Variants in STRAP observed in about 807,000 individuals in gnomAD.
STRAP encodes the protein serine-threonine kinase receptor-associated protein.
A neutral mutation model predicts 47.0 loss-of-function variants in STRAP; 16 were observed. The ratio of observed to expected loss-of-function variants is 0.34; its 90% confidence interval spans 0.23 to 0.52. STRAP has a LOEUF of 0.52. Among genes scored for constraint, STRAP ranks in the 20% least tolerant of loss-of-function variants. The pLI is 0.96. For synonymous variants in STRAP, 130 were observed against 142.7 expected, an observed-to-expected ratio of 0.91 and a Z score of 0.63; for missense variants, 293 against 420.0, an observed-to-expected ratio of 0.70 and a Z score of 2.64.
intron 9 of STRAP, among the ~76,000 whole-genome samples, chr12:15,901,309 TA>T (rs1395587291): frequency 6.6e-6 from 1 of 151,978 alleles, no homozygotes; most frequent in East Asian, 1.9e-4. Context: ...TAAGGGGGAT[TA>T]AAAAAAGCTT....
intron 4 of STRAP, among the ~76,000 whole-genome samples, chr12:15,892,985 A>G (rs980897157): frequency 1.3e-5 from 2 of 152,222 alleles, no homozygotes; most frequent in African/African-American, 2.4e-5. Context: ...GTTAAGCCCT[A>G]TTCGCATTTG....
chr12:15,890,982 C>G lies in STRAP; in HGVS notation c.403+313C>G, dbSNP rs1398989220. 6.6e-6 allele frequency among the ~76,000 whole-genome samples: 1 copy of G among 151,964 alleles called. No individual in the cohort carries two copies. Among genetic ancestry groups the G allele is most frequent in the Non-Finnish European group, 1.5e-5 (1 of 68,002 alleles). On this transcript the variant is annotated intron_variant, in intron 4 of 9. Transcript: ENST00000419869. This position sits in a 1 kb window ranked among gnomAD's most constrained non-coding sequence, Gnocchi z 4.5. ...GGCTGAGGCAGGAGAATCGCTTGAACCCGGGAGGTGGAGGTTGCAGTGAGC... is the reference window on the plus strand; with the variant it reads ...GGCTGAGGCAGGAGAATCGCTTGAAGCCGGGAGGTGGAGGTTGCAGTGAGC...
Position 15,882,676 on chromosome 12 carries a change from T to C in STRAP, c.-32T>C. On this transcript the variant is annotated 5_prime_UTR_variant, in exon 1 of 10. Transcript: ENST00000419869. ...AGAAAAGACAACGACGACCCTCAGC[T>C]CGCCAGTCCGGTCGCTGGCTTCGCC... The C allele has an allele frequency of 6.3e-7, 1 of 1,577,774 alleles. No individual in the cohort carries two copies. Among genetic ancestry groups the C allele is most frequent in the South Asian group, 1.1e-5 (1 of 88,786 alleles).
At chr12:15,898,905 A>G (rs974343301) in intron 7 of STRAP, among the ~76,000 whole-genome samples, 5 of 152,216 alleles carry the variant, frequency 3.3e-5, no homozygotes, top group Non-Finnish European at 7.4e-5. Context: ...ACATTGATGC[A>G]TCTGGGTTGC....
chr12:15,885,553 T>A (rs1472598628), intron 2 of STRAP, among the ~76,000 whole-genome samples: 1 of 150,790 alleles, frequency 6.6e-6, no homozygotes, highest in African/African-American at 2.4e-5. Flanking sequence ...GCCTCCTTCA[T>A]TTTAAGTACA....
At chr12:15,883,118 C>T (rs943755880) in intron 1 of STRAP, 34 of 1,535,540 alleles carry the variant, frequency 2.2e-5, no homozygotes, top group Non-Finnish European at 2.9e-5. Flanking sequence ...CTCGGGACAA[C>T]ACGGTAAATA....
At chr12:15,897,130 A>G (rs1321168875) in intron 6 of STRAP, among the ~76,000 whole-genome samples, 1 of 152,196 alleles carries the variant, frequency 6.6e-6, no homozygotes, top group Non-Finnish European at 1.5e-5. Context: ...CTATGTAGTG[A>G]TCCTGCATAA....
chr12:15,889,479 A>C (rs1338660457), intron 2 of STRAP, among the ~76,000 whole-genome samples: 1 of 152,044 alleles, frequency 6.6e-6, no homozygotes, highest in African/African-American at 2.4e-5. Context: ...ATTTTTAAGG[A>C]TTTCTGGTTT....
At position 15,890,360 on chromosome 12, in the gene STRAP, G is replaced by A. The variant is rs77621222; in HGVS notation, c.331-237G>A. Among the ~76,000 whole-genome samples, 3 of 152,298 alleles carry A rather than the reference G, an allele frequency of 2.0e-5. No individual in the cohort carries two copies. In the East Asian group the frequency reaches 5.8e-4, roughly 29 times the overall value. On this transcript the variant is annotated intron_variant, in intron 3 of 9. Coordinates refer to ENST00000419869, the MANE Select transcript of STRAP (RefSeq NM_007178.4). The surrounding 1 kb of genome is among the most constrained non-coding windows in gnomAD (Gnocchi z 4.5). The stretch of plus-strand genomic sequence containing the variant: ...GAGAGGAGTAGGATCAGGGGAGAAT[G>A]GGAGAGTTCATGTATATGTAGTGTA...
At chr12:15,902,580 A>C (rs1454051355) in intron 9 of STRAP, among the ~76,000 whole-genome samples, 1 of 152,230 alleles carries the variant, frequency 6.6e-6, no homozygotes, top group Non-Finnish European at 1.5e-5. Flanking sequence ...AATCACTAAA[A>C]GAGAGGGCCA....
Position 15,883,688 on chromosome 12 carries a change from C to CA in STRAP, c.248+14dup. The CA allele has an allele frequency of 1.2e-6, 2 of 1,613,058 alleles. No individual in the cohort carries two copies. Among genetic ancestry groups the CA allele is most frequent in the Non-Finnish European group, 1.7e-6 (2 of 1,179,678 alleles). Reference sequence around the variant, plus strand: ...GCAGATTTCACAGCGTAAGTGTAGCCAAGATGGCTAACTTTGGTGTTCTCT... The same window carrying CA: ...GCAGATTTCACAGCGTAAGTGTAGCCAAAGATGGCTAACTTTGGTGTTCTCT... On this transcript the variant is annotated intron_variant, in intron 2 of 9. Transcript: ENST00000419869.
At position 15,899,697 on chromosome 12, in the gene STRAP, G is replaced by A. The variant is rs150742235; in HGVS notation, c.776-207G>A. On this transcript the variant is annotated intron_variant, in intron 7 of 9. Transcript: ENST00000419869. Reference sequence around the variant, plus strand: ...TAGAGGGACAGTTTGAAACTAGAATGTGTGCTAGATTTGGAAAGGAATAAT... The same window carrying A: ...TAGAGGGACAGTTTGAAACTAGAATATGTGCTAGATTTGGAAAGGAATAAT... Among the ~76,000 whole-genome samples the A allele has an allele frequency of 1.3e-3, 199 of 152,262 alleles. 1 individual carries two copies. Among genetic ancestry groups the A allele is most frequent in the African/African-American group, 4.6e-3 (190 of 41,550 alleles).
chr12:15,886,755 C>T (rs1055767844), intron 2 of STRAP, among the ~76,000 whole-genome samples: 3 of 151,866 alleles, frequency 2.0e-5, no homozygotes, highest in Middle Eastern at 3.4e-3. Flanking sequence ...ATTTTTTTTT[C>T]CCTCCATTCT....
At chr12:15,882,916 G>C (rs376845819) in intron 1 of STRAP, 97 bp downstream of exon 1, 43 of 1,387,462 alleles carry the variant, frequency 3.1e-5, no homozygotes, top group African/African-American at 2.9e-4. Flanking sequence ...GTGTGGTGAG[G>C]GGGGAGGGGG....
chr12:15,886,354 T>A (rs1376679540), intron 2 of STRAP, among the ~76,000 whole-genome samples: 1 of 152,140 alleles, frequency 6.6e-6, no homozygotes, highest in East Asian at 1.9e-4. Flanking sequence ...GCTTGGCTAA[T>A]CTTTGTGTTT....
In STRAP at chr12:15,894,028, T is replaced by C; in HGVS notation, c.404-19T>C. 1 of 1,546,082 alleles carries C rather than the reference T, an allele frequency of 6.5e-7. No homozygotes were observed. Among genetic ancestry groups the C allele is most frequent in the Non-Finnish European group, 8.9e-7 (1 of 1,122,004 alleles). On this transcript the variant is annotated intron_variant, in intron 4 of 9. Transcript: ENST00000419869. This position sits in a 1 kb window ranked among gnomAD's most constrained non-coding sequence, Gnocchi z 4.9. ...AAATCATATATTAACAAATGTACTT[T>C]AAATTGTTTTATCTCAAGAACCTAA...
Position 15,894,371 on chromosome 12 carries a change from AT to A in STRAP, c.500+229del, listed in dbSNP as rs2136111273. On this transcript the variant is annotated intron_variant, in intron 5 of 9. Coordinates refer to ENST00000419869, the MANE Select transcript of STRAP (RefSeq NM_007178.4). This position sits in a 1 kb window ranked among gnomAD's most constrained non-coding sequence, Gnocchi z 4.9. Reference sequence around the variant, plus strand: ...CTACTCGGGAGGCCGAGGCAGGAGAATCACTTGAACCTGCGAGGCAGAGGTT... The same window carrying A: ...CTACTCGGGAGGCCGAGGCAGGAGAACACTTGAACCTGCGAGGCAGAGGTT... Among the ~76,000 whole-genome samples the A allele has an allele frequency of 6.6e-6, 1 of 152,368 alleles. No individual in the cohort carries two copies. Among genetic ancestry groups the A allele is most frequent in the Non-Finnish European group, 1.5e-5 (1 of 68,034 alleles).
chr12:15,885,180 G>GTTTTTT (rs749702060), intron 2 of STRAP, among the ~76,000 whole-genome samples: 1 of 99,572 alleles, frequency 1.0e-5, no homozygotes, highest in Non-Finnish European at 1.9e-5. Flanking sequence ...TACAAGTGGT[G>GTTTTTT]TTTTTTTTTT....
chr12:15,902,233 A>G (rs968952089), intron 9 of STRAP, among the ~76,000 whole-genome samples: 1 of 152,092 alleles, frequency 6.6e-6, no homozygotes, highest in African/African-American at 2.4e-5. Context: ...CGGCCTCCCA[A>G]AGTGCTGGGA....
Sources: allele counts gnomAD v4.1 joint callset (sites outside exome capture counted in the v4.1 genomes callset), GRCh38; gene constraint gnomAD v4.1.1; non-coding constraint Gnocchi (gnomAD v3.1); transcripts MANE v1.5; gene names NCBI Gene and HGNC (gene_info 2026-07-23, HGNC 2026-07-21).